Variants in DIS3L2 observed in about 807,000 individuals in gnomAD.
DIS3L2 encodes the protein DIS3-like exonuclease 2.
A neutral mutation model predicts 97.5 loss-of-function variants in DIS3L2; 34 were observed. That is an observed-to-expected ratio of 0.35 (90% CI 0.27 to 0.46). DIS3L2 has a LOEUF of 0.46. Ranked by LOEUF, DIS3L2 falls within the 20% of genes least tolerant of loss-of-function variation. DIS3L2 has a pLI of 1.00. For synonymous variants in DIS3L2, 435 were observed against 445.2 expected, an observed-to-expected ratio of 0.98 and a Z score of 0.29; for missense variants, 1,038 against 1,146.0, an observed-to-expected ratio of 0.91 and a Z score of 1.36.
chr2:232,027,210 C>G (rs140313720), intron 4 of DIS3L2, among the ~76,000 whole-genome samples: 6 of 152,280 alleles, frequency 3.9e-5, no homozygotes, highest in African/African-American at 1.4e-4. Flanking sequence ...TATCTCATAT[C>G]CATGTCAAAT....
chr2:232,272,821 C>T (rs1002082498), intron 13 of DIS3L2, among the ~76,000 whole-genome samples: 25 of 152,172 alleles, frequency 1.6e-4, no homozygotes, highest in African/African-American at 4.8e-4. Context: ...GGTGCCCTTC[C>T]AGTGCAGGGT....
At chr2:232,213,600 A>G (rs1201295016) in intron 10 of DIS3L2, among the ~76,000 whole-genome samples, 1 of 151,488 alleles carries the variant, frequency 6.6e-6, no homozygotes, top group Admixed American at 6.6e-5. Flanking sequence ...GCTTAGGGGG[A>G]AAAATGTTCA....
At chr2:232,009,027 G>T (rs1303998768) in intron 1 of DIS3L2, among the ~76,000 whole-genome samples, 2 of 151,548 alleles carry the variant, frequency 1.3e-5, no homozygotes, top group Admixed American at 1.3e-4. Flanking sequence ...CATTTCAGTT[G>T]TTGTCTTTCC....
At chr2:232,128,426 T>G (rs1698128450) in intron 6 of DIS3L2, among the ~76,000 whole-genome samples, 1 of 150,332 alleles carries the variant, frequency 6.7e-6, no homozygotes, top group African/African-American at 2.4e-5. Flanking sequence ...TGTAGTAGAG[T>G]CTCATTAAAT....
intron 6 of DIS3L2, among the ~76,000 whole-genome samples, chr2:232,096,536 T>A (rs979427860): frequency 1.2e-4 from 18 of 152,204 alleles, no homozygotes; most frequent in African/African-American, 4.1e-4. Flanking sequence ...CTACCTCCTC[T>A]TTAAAGCCAA....
chr2:232,215,127 C>A (rs2106223859), intron 10 of DIS3L2, among the ~76,000 whole-genome samples: 1 of 152,246 alleles, frequency 6.6e-6, no homozygotes, highest in East Asian at 1.9e-4. Flanking sequence ...ATAAACATAT[C>A]CACTTATCCT....
rs556525353 is a variant in DIS3L2, at chr2:232,032,851, T to G, written c.366+2771T>G. On this transcript the variant is annotated intron_variant, in intron 5 of 20. Transcript: ENST00000325385. ...CTATATTCTGTCCTATTGGTCTATA[T>G]ATCTGTTTTGGTACCAGTAGCATGC... Among the ~76,000 whole-genome samples the G allele has an allele frequency of 3.3e-5, 5 of 152,328 alleles. No homozygotes were observed. In the East Asian group the frequency reaches 7.7e-4, roughly 23 times the overall value.
chr2:232,014,332 C>T (rs1047814659), intron 1 of DIS3L2, among the ~76,000 whole-genome samples: 2 of 152,108 alleles, frequency 1.3e-5, no homozygotes, highest in Admixed American at 6.5e-5. Context: ...TAGTTTGGGA[C>T]GTCAAGTTGT....
intron 11 of DIS3L2, among the ~76,000 whole-genome samples, chr2:232,245,836 C>T (rs1367192826): frequency 2.6e-5 from 4 of 152,178 alleles, no homozygotes; most frequent in African/African-American, 9.6e-5. Context: ...GTAGCCAAAA[C>T]AGTGTAGCTT....
At chr2:232,279,405 T>C (rs1285733918) in intron 13 of DIS3L2, among the ~76,000 whole-genome samples, 1 of 152,272 alleles carries the variant, frequency 6.6e-6, no homozygotes, top group Non-Finnish European at 1.5e-5. Context: ...ATACTTGCTG[T>C]CTGCATATCT....
At chr2:232,286,388 G>A (rs1387379549) in intron 13 of DIS3L2, among the ~76,000 whole-genome samples, 1 of 150,148 alleles carries the variant, frequency 6.7e-6, no homozygotes, top group Non-Finnish European at 1.5e-5. Context: ...TCTTCCTGCT[G>A]CGGCCCAAGG....
At position 232,326,114 on chromosome 2, in the gene DIS3L2, C is replaced by T. The variant is rs375851753; in HGVS notation, c.1740-3699C>T. On this transcript the variant is annotated intron_variant, in intron 14 of 20. Coordinates refer to ENST00000325385, the MANE Select transcript of DIS3L2 (RefSeq NM_152383.5). Reference sequence around the variant, plus strand: ...GAGAGGGCCCTGCTGACCGGGTCATCTCTGGCCCTGGGTTCCCATAGGAGC... The same window carrying T: ...GAGAGGGCCCTGCTGACCGGGTCATTTCTGGCCCTGGGTTCCCATAGGAGC... Among the ~76,000 whole-genome samples the T allele has an allele frequency of 1.1e-4, 16 of 152,294 alleles. No individual in the cohort carries two copies. The East Asian group carries it at 2.3e-3, about 22-fold the overall frequency.
intron 5 of DIS3L2, among the ~76,000 whole-genome samples, chr2:232,083,611 C>T (rs1211068343): frequency 6.6e-6 from 1 of 151,818 alleles, no homozygotes; most frequent in East Asian, 1.9e-4. Context: ...TCTCTTGCCT[C>T]AGCCTCCTGA....
intron 9 of DIS3L2, among the ~76,000 whole-genome samples, chr2:232,187,660 C>T (rs1490308638): frequency 2.6e-5 from 4 of 151,942 alleles, no homozygotes; most frequent in African/African-American, 9.7e-5. Context: ...CCAGGATGGT[C>T]TCGATCTCTT....
At chr2:232,069,467 G>C (rs1695949091) in intron 5 of DIS3L2, among the ~76,000 whole-genome samples, 1 of 152,128 alleles carries the variant, frequency 6.6e-6, no homozygotes, top group African/African-American at 2.4e-5. Context: ...TCCTACTTGA[G>C]CATTTCTAAG....
intron 14 of DIS3L2, among the ~76,000 whole-genome samples, chr2:232,314,271 G>T (rs1695211549): frequency 6.6e-6 from 1 of 152,114 alleles, no homozygotes; most frequent in Non-Finnish European, 1.5e-5. Flanking sequence ...CTCCTGGGCG[G>T]GCTGCTCAGG....
chr2:232,098,355 ATTTT>A (rs371321680), intron 6 of DIS3L2, among the ~76,000 whole-genome samples: 1 of 138,676 alleles, frequency 7.2e-6, no homozygotes, highest in African/African-American at 2.7e-5. Flanking sequence ...GAGGTTTCTA[ATTTT>A]TTTTTTTTTT....
chr2:232,066,366 T>C (rs1252452204), intron 5 of DIS3L2, among the ~76,000 whole-genome samples: 1 of 152,060 alleles, frequency 6.6e-6, no homozygotes, highest in East Asian at 1.9e-4. Flanking sequence ...AATGTGTGTA[T>C]TGAGATGACT....
At chr2:232,300,147 A>T in intron 14 of DIS3L2, 28 bp downstream of exon 14, 1 of 1,606,104 alleles carries the variant, frequency 6.2e-7, no homozygotes, top group Non-Finnish European at 8.5e-7. Flanking sequence ...AAAGAGTGTC[A>T]CTTCACATGT....
Sources: gnomAD v4.1 joint callset for allele counts (sites outside exome capture counted in the v4.1 genomes callset) on GRCh38, gnomAD v4.1.1 for gene constraint, MANE v1.5 for transcripts, NCBI Gene and HGNC (gene_info 2026-07-23, HGNC 2026-07-21) for gene names.